ERV3-1: variants seen among roughly 807,000 people sequenced by gnomAD.
ERV3-1 encodes the protein endogenous retrovirus group 3 member 1, envelope.
Under a neutral mutation model 24.6 loss-of-function variants are expected in ERV3-1, and 36 were observed. The observed-to-expected ratio is 1.47, with a 90% CI of 1.12 to 1.94. The LOEUF (loss-of-function observed/expected upper bound fraction) is 1.94. Among genes scored for constraint, ERV3-1 ranks in the 30% most tolerant of loss-of-function variants. The pLI is 0.00. For missense variants in ERV3-1, 578 were observed against 330.9 expected, an observed-to-expected ratio of 1.75 and a Z score of -5.79; for synonymous variants, 211 against 122.6, an observed-to-expected ratio of 1.72 and a Z score of -4.76.
intron 1 of ERV3-1, chr7:65,005,015 C>A (rs1363168364): frequency 6.6e-6 from 1 of 152,426 alleles, no homozygotes; most frequent in African/African-American, 2.4e-5. Flanking sequence ...AGAAATGGAA[C>A]CCGGGTTGCT....
Position 64,990,361 on chromosome 7 carries a change from G to A in ERV3-1, c.*851C>T, listed in dbSNP as rs939901700. 1.2e-5 allele frequency: 2 copies of A among 172,916 alleles called. No individual in the cohort carries two copies. Among genetic ancestry groups the A allele is most frequent in the South Asian group, 1.6e-4 (1 of 6,136 alleles). 10.7% of individuals were successfully genotyped at this position (172,916 alleles called of 1,614,324 possible). On this transcript the variant is annotated 3_prime_UTR_variant, in exon 2 of 2. Coordinates refer to ENST00000394323, the MANE Select transcript of ERV3-1 (RefSeq NM_001007253.4). ...CAGGAGGCCGGAGAGATCACTGGGT[G>A]CAACAGGAAGGTTTTATTTAGGTGG...
At chr7:64,999,525 G>A (rs1329377528) in intron 1 of ERV3-1, among the ~76,000 whole-genome samples, 1 of 152,196 alleles carries the variant, frequency 6.6e-6, no homozygotes, top group Non-Finnish European at 1.5e-5. Context: ...TGTGAGACAG[G>A]AAAGCAGTCT....
chr7:64,995,868 G>A (rs1317924952), intron 1 of ERV3-1, among the ~76,000 whole-genome samples: 1 of 152,206 alleles, frequency 6.6e-6, no homozygotes, highest in Non-Finnish European at 1.5e-5. Context: ...GTCATTTGGT[G>A]GGGTGTATGC....
intron 1 of ERV3-1, among the ~76,000 whole-genome samples, chr7:64,999,267 C>T (rs907575371): frequency 2.0e-5 from 3 of 152,214 alleles, no homozygotes; most frequent in African/African-American, 7.2e-5. Flanking sequence ...ACGGGTCTCC[C>T]CCAGCCCGGG....
At position 65,006,627 on chromosome 7, in the gene ERV3-1, T is replaced by C. The variant is rs1198901312; in HGVS notation, c.-475A>G. ...AACGAGGCCACAGAAGCTGGGCCTC[T>C]AGGAGCAGAAGACACAGAGCAGTGA... On this transcript the variant is annotated 5_prime_UTR_variant, in exon 1 of 2. Coordinates refer to ENST00000394323, the MANE Select transcript of ERV3-1 (RefSeq NM_001007253.4). 1.3e-6 allele frequency: 2 copies of C among 1,544,694 alleles called. No homozygotes were observed. Among genetic ancestry groups the C allele is most frequent in the Non-Finnish European group, 8.9e-7 (1 of 1,119,090 alleles).
chr7:64,992,419 G>GT lies in ERV3-1; in HGVS notation c.607dup (p.Thr203AsnfsTer25), dbSNP rs1228738372. The GT allele has an allele frequency of 1.3e-6, 1 of 766,384 alleles. No individual in the cohort carries two copies. The highest frequency in any genetic ancestry group is 2.4e-6 in the Non-Finnish European group (1 of 417,906). The allele number at this position is 766,384 out of a possible 1,614,324, so 47.5% of individuals were successfully genotyped here. A position where few individuals can be genotyped will look rare whatever the true frequency, so the allele number is the denominator to read the frequency against. ...TATGGGCTGATCTGGCTCTAAGATG[G>GT]TAAGATTTACAGAATTGCAAGTGCT... On this transcript the variant is annotated frameshift_variant, in exon 2 of 2. Coordinates refer to ENST00000394323, the MANE Select transcript of ERV3-1 (RefSeq NM_001007253.4). LOFTEE classifies it high-confidence loss of function.
intron 1 of ERV3-1, among the ~76,000 whole-genome samples, chr7:64,996,711 G>A (rs1786413101): frequency 6.6e-6 from 1 of 152,156 alleles, no homozygotes; most frequent in Non-Finnish European, 1.5e-5. Context: ...CACCTCCTTG[G>A]CTGACAAAAT....
In ERV3-1 at chr7:64,992,838, G is replaced by C. The variant is rs201777437; in HGVS notation, c.189C>G (p.His63Gln). ...CAGTCLGTCT[H>Q]NQTTYSVCDP... ...CACAGACTGAGTAGGTTGTCTGGTTGTGAGTACAAGTTCCTAGGCAGGTCC... is the reference window on the plus strand; with the variant it reads ...CACAGACTGAGTAGGTTGTCTGGTTCTGAGTACAAGTTCCTAGGCAGGTCC... Residue 63 changes from histidine to glutamine, a missense_variant, in exon 2 of 2, where the codon CAC becomes CAG. Transcript: ENST00000394323. 2.6e-6 allele frequency: 2 copies of C among 766,424 alleles called. No homozygotes were observed. Among genetic ancestry groups the C allele is most frequent in the African/African-American group, 1.7e-5 (1 of 59,252 alleles). The allele number at this position is 766,424 out of a possible 1,614,324, so 47.5% of individuals were successfully genotyped here.
At chr7:65,005,938 C>T (rs1218452177) in intron 1 of ERV3-1, 10 of 152,476 alleles carry the variant, frequency 6.6e-5, no homozygotes, top group Admixed American at 6.5e-4. Flanking sequence ...GGAATTTCCA[C>T]CTTGATCGTA....
In ERV3-1 at chr7:65,006,672, G is replaced by C; in HGVS notation, c.-520C>G. On this transcript the variant is annotated 5_prime_UTR_variant, in exon 1 of 2. Transcript: ENST00000394323. ...CAGTGAAGACTACACCAGAAGCTCCGGCTGCCGCCAGAGACAAAGGCCCCA... is the reference window on the plus strand; with the variant it reads ...CAGTGAAGACTACACCAGAAGCTCCCGCTGCCGCCAGAGACAAAGGCCCCA... 2.0e-6 allele frequency: 3 copies of C among 1,488,026 alleles called. No individual in the cohort carries two copies. Among genetic ancestry groups the C allele is most frequent in the South Asian group, 2.3e-5 (2 of 87,998 alleles). 92.2% of individuals were successfully genotyped at this position (1,488,026 alleles called of 1,614,324 possible).
chr7:65,003,979 A>C (rs1786579438), intron 1 of ERV3-1: 1 of 152,176 alleles, frequency 6.6e-6, no homozygotes, highest in African/African-American at 2.4e-5. Context: ...AATGGAAGAG[A>C]GATTTTCCCT....
chr7:64,994,828 C>G (rs1786369793), intron 1 of ERV3-1, among the ~76,000 whole-genome samples: 1 of 152,232 alleles, frequency 6.6e-6, no homozygotes, highest in Non-Finnish European at 1.5e-5. Context: ...GCCTTCTGGG[C>G]TGATGTTCCA....
At position 64,991,696 on chromosome 7, in the gene ERV3-1, G is replaced by T. The variant is rs185422600; in HGVS notation, c.1331C>A (p.Pro444Gln). 1.9e-3 allele frequency: 1,413 copies of T among 747,810 alleles called. 4 individuals are homozygous for T. Among genetic ancestry groups the T allele is most frequent in the Non-Finnish European group, 2.8e-3 (1,125 of 408,888 alleles). The allele number at this position is 747,810 out of a possible 1,614,324, so 46.3% of individuals were successfully genotyped here. A position where few individuals can be genotyped will look rare whatever the true frequency, so the allele number is the denominator to read the frequency against. Residue 444 changes from proline to glutamine, a missense_variant, in exon 2 of 2, where the codon CCG (proline) becomes CAG (glutamine). Pro to Gln is a moderately conservative substitution (Grantham distance 76). Transcript: ENST00000394323. ...SGACVLGTIR[P>Q]SFFLMPLKQG... is the part of the protein sequence containing the mutation. ...TTTTAGGGGCATTAGGAAGAAGGAC[G>T]GCCTAATTGTCCCCAGTACACAGGC... is the stretch of plus-strand genomic sequence containing the variant.
intron 1 of ERV3-1, among the ~76,000 whole-genome samples, chr7:64,993,859 G>A (rs1055194848): frequency 7.9e-5 from 12 of 152,172 alleles, no homozygotes; most frequent in South Asian, 2.1e-4. Context: ...CTCTGCAGCC[G>A]GTAGGCTGTG....
At chr7:65,005,818 C>CA (rs1460841949) in intron 1 of ERV3-1, among the ~76,000 whole-genome samples, 2 of 151,938 alleles carry the variant, frequency 1.3e-5, no homozygotes, top group East Asian at 1.9e-4. Context: ...TTGCTACTTG[C>CA]AAAAAAATCT....
At chr7:64,995,492 G>C (rs936147448) in intron 1 of ERV3-1, among the ~76,000 whole-genome samples, 1 of 152,184 alleles carries the variant, frequency 6.6e-6, no homozygotes, top group Non-Finnish European at 1.5e-5. Context: ...CAGCCTTTCA[G>C]AGGAGGGGTT....
At position 64,991,323 on chromosome 7, in the gene ERV3-1, G is replaced by A. The variant is rs1178152676; in HGVS notation, c.1704C>T (p.Phe568=). 12 of 707,218 alleles carry A rather than the reference G, an allele frequency of 1.7e-5. No individual in the cohort carries two copies. Among genetic ancestry groups the A allele is most frequent in the Non-Finnish European group, 2.8e-5 (11 of 386,350 alleles). The allele number at this position is 707,218 out of a possible 1,614,324, so 43.8% of individuals were successfully genotyped here. Residue 568 remains phenylalanine (F), a synonymous_variant, in exon 2 of 2, where the codon TTC becomes TTT. Coordinates refer to ENST00000394323, the MANE Select transcript of ERV3-1 (RefSeq NM_001007253.4). ...GTTCCAGGCAGCAGTTAGTAAGGTT[G>A]AACTTTCCGCATACTCCCTCTTCCT... is the stretch of plus-strand genomic sequence containing the variant. ...LAQEEGVCGK[F]NLTNCCLELD... is the part of the protein sequence containing the mutation.
In ERV3-1 at chr7:64,990,848, G is replaced by A. The variant is rs201094084; in HGVS notation, c.*364C>T. The stretch of plus-strand genomic sequence containing the variant: ...CATAGCTCCAGCAGGACTTTGGAGT[G>A]AGTCAGACTGGTCAGGAAAGGACTT... On this transcript the variant is annotated 3_prime_UTR_variant, in exon 2 of 2. Coordinates refer to ENST00000394323, the MANE Select transcript of ERV3-1 (RefSeq NM_001007253.4). The A allele has an allele frequency of 1.8e-5, 3 of 163,476 alleles. No individual in the cohort carries two copies. The highest frequency in any genetic ancestry group is 1.8e-4 in the East Asian group (1 of 5,704). 10.1% of individuals were successfully genotyped at this position (163,476 alleles called of 1,614,324 possible).
At position 64,991,502 on chromosome 7, in the gene ERV3-1, C is replaced by G; in HGVS notation, c.1525G>C (p.Val509Leu). ...CTTATAATGCGGTTAAGCATGTAAA[C>G]TGGGGTGCGGTATCCCCACATTCCA... ...EDGMWGYRTP[V>L]YMLNRIIRLQ... Residue 509 changes from valine to leucine, a missense_variant, in exon 2 of 2, where the codon GTT (valine) becomes CTT (leucine). Coordinates refer to ENST00000394323, the MANE Select transcript of ERV3-1 (RefSeq NM_001007253.4). 1 of 704,142 alleles carries G rather than the reference C, an allele frequency of 1.4e-6. No individual in the cohort carries two copies. The highest frequency in any genetic ancestry group is 1.7e-5 in the African/African-American group (1 of 57,378). The allele number at this position is 704,142 out of a possible 1,614,324, so 43.6% of individuals were successfully genotyped here. A position where few individuals can be genotyped will look rare whatever the true frequency, so the allele number is the denominator to read the frequency against.
Sources: allele counts gnomAD v4.1 joint callset (sites outside exome capture counted in the v4.1 genomes callset), GRCh38; gene constraint gnomAD v4.1.1; transcripts MANE v1.5; gene names NCBI Gene and HGNC (gene_info 2026-07-23, HGNC 2026-07-21).